PCDHGB3: variants seen among roughly 807,000 people sequenced by gnomAD.
The protein encoded by PCDHGB3 is protocadherin gamma-B3.
A neutral mutation model predicts 59.2 loss-of-function variants in PCDHGB3; 40 were observed. The observed-to-expected ratio is 0.68, with a 90% CI of 0.52 to 0.88. The LOEUF is 0.88. PCDHGB3 is among the 40% of genes least tolerant of loss of function. PCDHGB3 has a pLI of 0.00. For missense variants in PCDHGB3, 1,309 were observed against 1,187.9 expected, an observed-to-expected ratio of 1.10 and a Z score of -1.50; for synonymous variants, 581 against 503.6, an observed-to-expected ratio of 1.15 and a Z score of -2.06.
In PCDHGB3 at chr5:141,511,502, A is replaced by G. The variant is rs953158220; in HGVS notation, c.*329A>G. ...CTGAACTCCTCCATCTTCCAAATCAATCAGGCCCATCCATCCCATGCCTCC... is the reference window on the plus strand; with the variant it reads ...CTGAACTCCTCCATCTTCCAAATCAGTCAGGCCCATCCATCCCATGCCTCC... On this transcript the variant is annotated 3_prime_UTR_variant, in exon 4 of 4. Transcript: ENST00000576222. The G allele has an allele frequency of 1.3e-5, 5 of 395,150 alleles. No homozygotes were observed. Among genetic ancestry groups the G allele is most frequent in the African/African-American group, 1.0e-4 (5 of 48,770 alleles). The allele number at this position is 395,150 out of a possible 1,614,324, so 24.5% of individuals were successfully genotyped here.
intron 1 of PCDHGB3, chr5:141,383,744 G>A: frequency 1.2e-6 from 2 of 1,613,886 alleles, no homozygotes; most frequent in South Asian, 1.1e-5. Flanking sequence ...TATTCTTTTC[G>A]GAAAATAACT....
Position 141,372,225 on chromosome 5 carries a change from G to A in PCDHGB3, c.1831G>A (p.Ala611Thr), listed in dbSNP as rs1326941167. ...CTGGCTGTCCTACCACATTGTGCAG[G>A]CCAGCGAGCCCGGGCTGTTCAGCCT... ...NAWLSYHIVQ[A>T]SEPGLFSLGL... The change falls in exon 1 of 4, where the codon GCC (alanine) becomes ACC (threonine). Residue 611 changes from alanine (A) to threonine (T), a missense_variant. By Grantham distance (58) the Ala-to-Thr change is moderately conservative. Transcript: ENST00000576222. The A allele has an allele frequency of 6.8e-6, 11 of 1,613,368 alleles. No individual in the cohort carries two copies. Among genetic ancestry groups the A allele is most frequent in the Non-Finnish European group, 9.3e-6 (11 of 1,179,890 alleles).
Position 141,505,427 on chromosome 5 carries a change from A to G in PCDHGB3, c.2509A>G (p.Asn837Asp), listed in dbSNP as rs1453435374. Reference protein sequence around the residue: ...QNGDDTGTWPNNQFDTEMLQA... With the variant: ...QNGDDTGTWPDNQFDTEMLQA... The stretch of plus-strand genomic sequence containing the variant: ...TGGCGATGACACCGGCACCTGGCCC[A>G]ACAACCAGTTTGACACAGAGATGCT... The change falls in exon 3 of 4, where the codon AAC (asparagine) becomes GAC (aspartate). Residue 837 changes from asparagine to aspartate, a missense_variant. Physicochemically the swap from Asn to Asp is conservative, Grantham distance 23 (BLOSUM62 1). Coordinates refer to ENST00000576222, the MANE Select transcript of PCDHGB3 (RefSeq NM_018924.5). 1 of 1,614,230 alleles carries G rather than the reference A, an allele frequency of 6.2e-7. No individual in the cohort carries two copies. Among genetic ancestry groups the G allele is most frequent in the East Asian group, 2.2e-5 (1 of 44,878 alleles).
intron 1 of PCDHGB3, chr5:141,424,572 T>C (rs1272121500): frequency 6.6e-6 from 1 of 152,238 alleles, no homozygotes; most frequent in East Asian, 1.9e-4. Context: ...CAAAAACCTA[T>C]TTTCAAATGT....
intron 1 of PCDHGB3, among the ~76,000 whole-genome samples, chr5:141,473,542 G>A (rs1444751260): frequency 6.6e-6 from 1 of 152,176 alleles, no homozygotes; most frequent in Non-Finnish European, 1.5e-5. Flanking sequence ...GGGGCCTAAT[G>A]GAAGACCTCT....
At position 141,383,756 on chromosome 5, in the gene PCDHGB3, C is replaced by T. The variant is rs62620755; in HGVS notation, c.2415+10947C>T. 6.8e-6 allele frequency: 11 copies of T among 1,613,838 alleles called. No homozygotes were observed. Among genetic ancestry groups the T allele is most frequent in the East Asian group, 2.2e-5 (1 of 44,890 alleles). ...ACATATTCTTTTCGGAAAATAACTC[C>T]TAAACTTCCAAAGATGTTTCATCTG... On this transcript the variant is annotated intron_variant, in intron 1 of 3. Coordinates refer to ENST00000576222, the MANE Select transcript of PCDHGB3 (RefSeq NM_018924.5).
In PCDHGB3 at chr5:141,370,991, C is replaced by T. The variant is rs753428613; in HGVS notation, c.597C>T (p.Pro199=). The T allele has an allele frequency of 4.3e-6, 7 of 1,613,954 alleles. No individual in the cohort carries two copies. Among genetic ancestry groups the T allele is most frequent in the Non-Finnish European group, 5.9e-6 (7 of 1,179,896 alleles). The change falls in exon 1 of 4, where the codon CCC becomes CCT. Residue 199 remains proline (P), a synonymous_variant. Coordinates refer to ENST00000576222, the MANE Select transcript of PCDHGB3 (RefSeq NM_018924.5). ...ACCCAGAGCTAGTACTGAAAGCACCCCTGGACAGGGAAGAGCAGCCACATC... is the reference window on the plus strand; with the variant it reads ...ACCCAGAGCTAGTACTGAAAGCACCTCTGGACAGGGAAGAGCAGCCACATC... ...SRYPELVLKA[P]LDREEQPHHH...
chr5:141,498,656 G>A (rs2154592341), intron 2 of PCDHGB3, among the ~76,000 whole-genome samples: 1 of 152,336 alleles, frequency 6.6e-6, no homozygotes, highest in Non-Finnish European at 1.5e-5. Context: ...ACCTGGCCAG[G>A]TGTGGTGGCT....
intron 1 of PCDHGB3, chr5:141,389,448 C>T (rs895638491): frequency 1.2e-6 from 2 of 1,610,424 alleles, no homozygotes; most frequent in Non-Finnish European, 1.7e-6. Context: ...CGACCACGAG[C>T]AGCTGCGCGC....
chr5:141,421,512 G>T, intron 1 of PCDHGB3: 2 of 1,614,094 alleles, frequency 1.2e-6, no homozygotes, highest in Non-Finnish European at 1.7e-6. Context: ...ACCGGGAGGA[G>T]CTCTGTGAGA....
chr5:141,432,343 G>C lies in PCDHGB3; in HGVS notation c.2415+59534G>C, dbSNP rs1174646711. 3 of 1,614,130 alleles carry C rather than the reference G, an allele frequency of 1.9e-6. No homozygotes were observed. On this transcript the variant is annotated intron_variant, in intron 1 of 3. Coordinates refer to ENST00000576222, the MANE Select transcript of PCDHGB3 (RefSeq NM_018924.5). This position sits in a 1 kb window ranked among gnomAD's most constrained non-coding sequence, Gnocchi z 6.0. ...TCGACTACGAGCAGTTCCGAGACTTGCAAGTGAAAGTGATGGCGCGGGACA... is the reference window on the plus strand; with the variant it reads ...TCGACTACGAGCAGTTCCGAGACTTCCAAGTGAAAGTGATGGCGCGGGACA...
At chr5:141,395,901 C>G (rs1019647060) in intron 1 of PCDHGB3, 6 of 152,046 alleles carry the variant, frequency 3.9e-5, no homozygotes, top group African/African-American at 1.4e-4. Flanking sequence ...GCTCCATGCC[C>G]ATGGAGACAT....
intron 1 of PCDHGB3, chr5:141,394,906 C>T (rs2150590922): frequency 6.2e-7 from 1 of 1,613,754 alleles, no homozygotes; most frequent in Admixed American, 1.7e-5. Flanking sequence ...GTGGCAGTGG[C>T]TGCCATCTCC....
At position 141,428,173 on chromosome 5, in the gene PCDHGB3, C is replaced by T. The variant is rs192741775; in HGVS notation, c.2415+55364C>T. The T allele has an allele frequency of 3.3e-6, 5 of 1,514,730 alleles. No homozygotes were observed. In the East Asian group the frequency reaches 9.1e-5, roughly 28 times the overall value. 93.8% of individuals were successfully genotyped at this position (1,514,730 alleles called of 1,614,324 possible). A position where few individuals can be genotyped will look rare whatever the true frequency, so the allele number is the denominator to read the frequency against. On this transcript the variant is annotated intron_variant, in intron 1 of 3. Transcript: ENST00000576222. ...GGAACCTGCTGGTTGCTGTGCGTGA[C>T]GGAGGACAGCCGCCGCTCTCTGCGC... is the stretch of plus-strand genomic sequence containing the variant.
Position 141,506,556 on chromosome 5 carries a change from AC to A in PCDHGB3, c.2563+1080del, listed in dbSNP as rs560503002. Among the ~76,000 whole-genome samples the A allele has an allele frequency of 4.0e-4, 60 of 151,718 alleles. 1 individual carries two copies. In the East Asian group the frequency reaches 0.011, roughly 28 times the overall value. ...AATGAGTCCTTAGGTAAGTTATTAA[AC>A]CCCCTCGGTTTCACTTACTATTAAT... On this transcript the variant is annotated intron_variant, in intron 3 of 3. Coordinates refer to ENST00000576222, the MANE Select transcript of PCDHGB3 (RefSeq NM_018924.5).
At chr5:141,414,763 C>G in intron 1 of PCDHGB3, 1 of 1,614,258 alleles carries the variant, frequency 6.2e-7, no homozygotes, top group South Asian at 1.1e-5. Flanking sequence ...TGAGCAGTTT[C>G]ATGAGCTACA....
intron 1 of PCDHGB3, among the ~76,000 whole-genome samples, chr5:141,457,543 A>G (rs555448211): frequency 2.6e-5 from 4 of 152,346 alleles, no homozygotes; most frequent in African/African-American, 9.6e-5. Flanking sequence ...TTAATGACAA[A>G]TGTATGATAA....
rs1288257660 is a variant in PCDHGB3, at chr5:141,372,262, C to T, written c.1868C>T (p.Thr623Met). Reference protein sequence around the residue: ...EPGLFSLGLRTGEVRTARTLG... With the variant: ...EPGLFSLGLRMGEVRTARTLG... Reference sequence around the variant, plus strand: ...GGGCTGTTCAGCCTGGGCCTGCGCACGGGTGAGGTGCGCACGGCGCGTACC... The same window carrying T: ...GGGCTGTTCAGCCTGGGCCTGCGCATGGGTGAGGTGCGCACGGCGCGTACC... Residue 623 changes from threonine (T) to methionine (M), a missense_variant, in exon 1 of 4, where the codon ACG becomes ATG. Thr to Met is a moderately conservative substitution (Grantham distance 81). Coordinates refer to ENST00000576222, the MANE Select transcript of PCDHGB3 (RefSeq NM_018924.5). The T allele has an allele frequency of 6.2e-7, 1 of 1,613,106 alleles. No homozygotes were observed. The highest frequency in any genetic ancestry group is 8.5e-7 in the Non-Finnish European group (1 of 1,179,762).
chr5:141,392,812 C>T (rs2092600989), intron 1 of PCDHGB3: 2 of 1,583,404 alleles, frequency 1.3e-6, no homozygotes, highest in East Asian at 4.5e-5. Flanking sequence ...AGCAAAACAA[C>T]AATGGCCGCT....
Sources: allele counts gnomAD v4.1 joint callset (sites outside exome capture counted in the v4.1 genomes callset), GRCh38; gene constraint gnomAD v4.1.1; non-coding constraint Gnocchi (gnomAD v3.1); transcripts MANE v1.5; gene names NCBI Gene and HGNC (gene_info 2026-07-23, HGNC 2026-07-21).